CCSAP: variants seen among roughly 807,000 people sequenced by gnomAD.
The protein encoded by CCSAP is centriole, cilia and spindle associated protein.
CCSAP carries 17 observed loss-of-function variants against 25.9 expected under a neutral mutation model. That is an observed-to-expected ratio of 0.66 (90% confidence interval 0.45 to 0.99). The LOEUF (loss-of-function observed/expected upper bound fraction) is 0.99. Ranked by LOEUF, CCSAP falls within the 50% of genes least tolerant of loss-of-function variation. The pLI is 0.00. For missense variants in CCSAP, 339 were observed against 367.8 expected, an observed-to-expected ratio of 0.92 and a Z score of 0.64; for synonymous variants, 169 against 157.1, an observed-to-expected ratio of 1.08 and a Z score of -0.57.
Position 229,326,941 on chromosome 1 carries a change from A to C in CCSAP, c.433T>G (p.Ser145Ala), listed in dbSNP as rs1281460295. The C allele has an allele frequency of 6.2e-7, 1 of 1,613,992 alleles. No individual in the cohort carries two copies. Among genetic ancestry groups the C allele is most frequent in the Non-Finnish European group, 8.5e-7 (1 of 1,180,016 alleles). Residue 145 changes from serine (S) to alanine (A), a missense_variant, in exon 3 of 4, where the codon TCA (serine) becomes GCA (alanine). Transcript: ENST00000284617. The stretch of plus-strand genomic sequence containing the variant: ...TGTCGAGGCTCAGTACTGGTGGGTG[A>C]TTTGTCAGTCTCTCTTGTTCTGGTT... ...QQTRTRETDK[S>A]PTSTEPRQQP...
At chr1:229,341,193 C>CAA (rs71561730) in intron 2 of CCSAP, among the ~76,000 whole-genome samples, 1,678 of 91,008 alleles carry the variant, frequency 0.018, 37 homozygotes, top group African/African-American at 0.027. Flanking sequence ...GACTCCGTCT[C>CAA]AAAAAAAAAA....
In CCSAP at chr1:229,342,022, AAG is replaced by A. The variant is rs1658344105; in HGVS notation, c.367+75_367+76del. On this transcript the variant is annotated intron_variant, in intron 2 of 3. Coordinates refer to ENST00000284617, the MANE Select transcript of CCSAP (RefSeq NM_145257.5). This position sits in a 1 kb window ranked among gnomAD's most constrained non-coding sequence, Gnocchi z 7.5. ...GCCAGCCCCGAGTGGCGCAAGAAAT[AAG>A]AGATCAGCTGCTCAGAGCTTAGAGC... The A allele has an allele frequency of 9.5e-6, 12 of 1,265,416 alleles. No homozygotes were observed. The highest frequency in any genetic ancestry group is 1.2e-5 in the Non-Finnish European group (12 of 1,005,462). The allele number at this position is 1,265,416 out of a possible 1,614,324, so 78.4% of individuals were successfully genotyped here. A position where few individuals can be genotyped will look rare whatever the true frequency, so the allele number is the denominator to read the frequency against.
At chr1:229,335,145 T>G (rs976049576) in intron 2 of CCSAP, among the ~76,000 whole-genome samples, 22 of 151,990 alleles carry the variant, frequency 1.4e-4, no homozygotes, top group African/African-American at 5.3e-4. Flanking sequence ...AGACCTCATC[T>G]CTAATAAAAA....
intron 2 of CCSAP, among the ~76,000 whole-genome samples, chr1:229,338,610 A>G (rs1658258182): frequency 6.6e-6 from 1 of 151,898 alleles, no homozygotes; most frequent in African/African-American, 2.4e-5. Flanking sequence ...TCCATCCCTT[A>G]AATAAGAATG....
intron 2 of CCSAP, 93 bp from the exon 3 acceptor site, chr1:229,327,099 C>T: frequency 9.1e-7 from 1 of 1,095,724 alleles, no homozygotes; most frequent in Non-Finnish European, 1.3e-6. Flanking sequence ...ATGCTTAAGA[C>T]AGTAACATTT....
rs1286142812 is a variant in CCSAP at position 229,324,834 on chromosome 1, G to A, written c.*401C>T. 6.3e-6 allele frequency: 1 copy of A among 157,994 alleles called. No individual in the cohort carries two copies. Among genetic ancestry groups the A allele is most frequent in the Admixed American group, 6.2e-5 (1 of 16,226 alleles). The allele number at this position is 157,994 out of a possible 1,614,324, so 9.8% of individuals were successfully genotyped here. A position where few individuals can be genotyped will look rare whatever the true frequency, so the allele number is the denominator to read the frequency against. ...AGGATGGAATGATCTTATAGCTATGGAATCTGGAAAGTTATTTAGAACAAG... is the reference window on the plus strand; with the variant it reads ...AGGATGGAATGATCTTATAGCTATGAAATCTGGAAAGTTATTTAGAACAAG... On this transcript the variant is annotated 3_prime_UTR_variant, in exon 4 of 4. Coordinates refer to ENST00000284617, the MANE Select transcript of CCSAP (RefSeq NM_145257.5).
chr1:229,330,390 G>T (rs1050051349), intron 2 of CCSAP, among the ~76,000 whole-genome samples: 3 of 152,196 alleles, frequency 2.0e-5, no homozygotes, highest in Admixed American at 6.5e-5. Flanking sequence ...TCACCCAGAA[G>T]AAACACAGAG....
In CCSAP at chr1:229,326,757, G is replaced by A. The variant is rs1414465475; in HGVS notation, c.617C>T (p.Ala206Val). The stretch of plus-strand genomic sequence containing the variant: ...GCGCACCTCGTGCACAGGAGCGGAC[G>A]CACAGACGTTGTGAGTCTTCTGGCT... Reference protein sequence around the residue: ...TGSQKTHNVCASAPVHEIHES... With the variant: ...TGSQKTHNVCVSAPVHEIHES... Residue 206 changes from alanine (A) to valine (V), a missense_variant, in exon 3 of 4, where the codon GCG (alanine) becomes GTG (valine). Ala to Val is a moderately conservative substitution (Grantham distance 64). Coordinates refer to ENST00000284617, the MANE Select transcript of CCSAP (RefSeq NM_145257.5). 7.4e-6 allele frequency: 12 copies of A among 1,614,086 alleles called. No homozygotes were observed. The highest frequency in any genetic ancestry group is 3.3e-5 in the Admixed American group (2 of 60,008).
At position 229,326,792 on chromosome 1, in the gene CCSAP, G is replaced by A. The variant is rs777028561; in HGVS notation, c.582C>T (p.Thr194=). 11 of 1,614,056 alleles carry A rather than the reference G, an allele frequency of 6.8e-6. No individual in the cohort carries two copies. Among genetic ancestry groups the A allele is most frequent in the East Asian group, 4.5e-5 (2 of 44,892 alleles). Residue 194 remains threonine, a synonymous_variant, in exon 3 of 4, where the codon ACC becomes ACT. Coordinates refer to ENST00000284617, the MANE Select transcript of CCSAP (RefSeq NM_145257.5). ...TGTGAGTCTTCTGGCTTCCTGTATC[G>A]GTCTGTTTTTCTCCCCAGCCATAAA... ...FALYGWGEKQ[T]DTGSQKTHNV... is the part of the protein sequence containing the mutation.
At chr1:229,335,994 A>G (rs1278579471) in intron 2 of CCSAP, among the ~76,000 whole-genome samples, 1 of 151,994 alleles carries the variant, frequency 6.6e-6, no homozygotes, top group Non-Finnish European at 1.5e-5. Flanking sequence ...AACTATTTAC[A>G]TAGTATTTAA....
chr1:229,342,486 G>A lies in CCSAP; in HGVS notation c.-21C>T, dbSNP rs1271560686. ...GACATGGTGCCGTCCGCCGCCTCGA[G>A]CGCCAGCCGCTCCTCGCTGCCCGCA... On this transcript the variant is annotated 5_prime_UTR_variant, in exon 2 of 4. Coordinates refer to ENST00000284617, the MANE Select transcript of CCSAP (RefSeq NM_145257.5). The surrounding 1 kb of genome is among the most constrained non-coding windows in gnomAD (Gnocchi z 7.5). 1 of 1,312,938 alleles carries A rather than the reference G, an allele frequency of 7.6e-7. No individual in the cohort carries two copies. Among genetic ancestry groups the A allele is most frequent in the Non-Finnish European group, 9.7e-7 (1 of 1,029,282 alleles). The allele number at this position is 1,312,938 out of a possible 1,614,324, so 81.3% of individuals were successfully genotyped here. A position where few individuals can be genotyped will look rare whatever the true frequency, so the allele number is the denominator to read the frequency against.
In CCSAP at chr1:229,323,175, T is replaced by C. The variant is rs1443955335; in HGVS notation, c.*2060A>G. 1 of 152,226 alleles carries C rather than the reference T, an allele frequency of 6.6e-6. No homozygotes were observed. Among genetic ancestry groups the C allele is most frequent in the Non-Finnish European group, 1.5e-5 (1 of 68,038 alleles). The allele number at this position is 152,226 out of a possible 1,614,324, so 9.4% of individuals were successfully genotyped here. ...CCATTCATGCACTTTAAAAGCACTT[T>C]AAAAATCCCGTTCATTTGTCTTCCA... On this transcript the variant is annotated 3_prime_UTR_variant, in exon 4 of 4. Transcript: ENST00000284617.
At chr1:229,326,527 C>T (rs181349616) in intron 3 of CCSAP, among the ~76,000 whole-genome samples, 23 of 152,330 alleles carry the variant, frequency 1.5e-4, no homozygotes, top group Admixed American at 2.0e-4. Context: ...AAGCCAAAAC[C>T]CCTCGCTCTG....
chr1:229,338,917 A>G (rs1438677715), intron 2 of CCSAP, among the ~76,000 whole-genome samples: 1 of 152,104 alleles, frequency 6.6e-6, no homozygotes, highest in Admixed American at 6.5e-5. Flanking sequence ...ATTTAAAAGA[A>G]AAATAGGATC....
chr1:229,321,245 G>A lies in CCSAP; in HGVS notation c.*3990C>T, dbSNP rs1413830021. ...CCTAAATAAAGTTTTGTTATTAGAA[G>A]AGAAATCCAAAAAGAGGCCTCTACT... On this transcript the variant is annotated 3_prime_UTR_variant, in exon 4 of 4. Transcript: ENST00000284617. 1 of 152,112 alleles carries A rather than the reference G, an allele frequency of 6.6e-6. No homozygotes were observed. The highest frequency in any genetic ancestry group is 1.5e-5 in the Non-Finnish European group (1 of 68,008). 9.4% of individuals were successfully genotyped at this position (152,112 alleles called of 1,614,324 possible). A position where few individuals can be genotyped will look rare whatever the true frequency, so the allele number is the denominator to read the frequency against.
intron 2 of CCSAP, chr1:229,340,352 A>C: frequency 1.4e-6 from 1 of 711,008 alleles, no homozygotes; most frequent in East Asian, 2.7e-5. Context: ...AATAACTGAG[A>C]GGACGCTATA....
At chr1:229,330,070 T>A (rs1658032536) in intron 2 of CCSAP, among the ~76,000 whole-genome samples, 1 of 141,622 alleles carries the variant, frequency 7.1e-6, no homozygotes, top group Non-Finnish European at 1.5e-5. Context: ...GACTGACAGG[T>A]GGACAGACAA....
In CCSAP at chr1:229,342,340, C is replaced by G; in HGVS notation, c.126G>C (p.Gln42His). 1 of 1,505,002 alleles carries G rather than the reference C, an allele frequency of 6.6e-7. No homozygotes were observed. Among genetic ancestry groups the G allele is most frequent in the Non-Finnish European group, 8.9e-7 (1 of 1,128,414 alleles). 93.2% of individuals were successfully genotyped at this position (1,505,002 alleles called of 1,614,324 possible). The change falls in exon 2 of 4, where the codon CAG becomes CAC. Residue 42 changes from glutamine to histidine, a missense_variant. Gln to His is a conservative substitution (Grantham distance 24, BLOSUM62 0). Transcript: ENST00000284617. This position sits in a 1 kb window ranked among gnomAD's most constrained non-coding sequence, Gnocchi z 7.5. ...CGTCCCAGAGCCAGGGCGCGTGCGC[C>G]TGCTCCAGCAGCCGGCGGCCTAGGC... ...HYRLGRRLLE[Q>H]AHAPWLWDDW...
At chr1:229,327,924 C>G (rs1657986451) in intron 2 of CCSAP, among the ~76,000 whole-genome samples, 1 of 151,246 alleles carries the variant, frequency 6.6e-6, no homozygotes, top group Non-Finnish European at 1.5e-5. Flanking sequence ...CCAACACTTG[C>G]AACGGAAATT....
Sources: allele counts gnomAD v4.1 joint callset (sites outside exome capture counted in the v4.1 genomes callset), GRCh38; gene constraint gnomAD v4.1.1; non-coding constraint Gnocchi (gnomAD v3.1); transcripts MANE v1.5; gene names NCBI Gene and HGNC (gene_info 2026-07-23, HGNC 2026-07-21).